PDCD6IP: variants seen among roughly 807,000 people sequenced by gnomAD.
PDCD6IP encodes the protein programmed cell death 6-interacting protein.
PDCD6IP carries 43 observed loss-of-function variants against 103.7 expected under a neutral mutation model. That is an observed-to-expected ratio of 0.41 (90% CI 0.32 to 0.53). PDCD6IP has a LOEUF of 0.53. PDCD6IP is among the 20% of genes least tolerant of loss of function. The probability of loss-of-function intolerance (pLI) is 0.16; values close to 1 mark genes in which losing one functional copy is unlikely to be tolerated. For synonymous variants in PDCD6IP, 354 were observed against 378.7 expected (o/e 0.93, Z 0.76); for missense variants, 871 against 1,036.7 (o/e 0.84, Z 2.20).
chr3:33,864,915 G>C (rs1698030451), intron 16 of PDCD6IP, among the ~76,000 whole-genome samples: 2 of 152,094 alleles, frequency 1.3e-5, no homozygotes, highest in Non-Finnish European at 2.9e-5. Flanking sequence ...CATTTTTCAT[G>C]TAAAGTTTGG....
intron 1 of PDCD6IP, among the ~76,000 whole-genome samples, chr3:33,811,849 G>A (rs906002724): frequency 5.3e-5 from 8 of 152,138 alleles, no homozygotes; most frequent in African/African-American, 1.7e-4. Flanking sequence ...AATAACAGTT[G>A]ATAAATATTT....
chr3:33,814,363 G>A (rs1489977915), intron 3 of PDCD6IP, among the ~76,000 whole-genome samples: 1 of 151,708 alleles, frequency 6.6e-6, no homozygotes, highest in Non-Finnish European at 1.5e-5. Flanking sequence ...TCAAACTCCC[G>A]ACCTCAGGTG....
At position 33,827,222 on chromosome 3, in the gene PDCD6IP, C is replaced by G. The variant is rs1036454844; in HGVS notation, c.717+642C>G. 4 of 972,204 alleles carry G rather than the reference C, an allele frequency of 4.1e-6. No homozygotes were observed. In the Admixed American group the frequency reaches 2.5e-4, roughly 60 times the overall value. The allele number at this position is 972,204 out of a possible 1,614,324, so 60.2% of individuals were successfully genotyped here. On this transcript the variant is annotated intron_variant, in intron 6 of 17. Transcript: ENST00000307296. ...CATTTGTTAATGACAAAGCAAATCACTAGTAAATTTGGAATGATTAATAAA... is the reference window on the plus strand; with the variant it reads ...CATTTGTTAATGACAAAGCAAATCAGTAGTAAATTTGGAATGATTAATAAA...
rs138586886 is a variant in PDCD6IP, at chr3:33,836,084, A to G, written c.875A>G (p.Asp292Gly). 4 of 1,612,074 alleles carry G rather than the reference A, an allele frequency of 2.5e-6. No individual in the cohort carries two copies. In the African/African-American group the frequency reaches 5.4e-5, roughly 22 times the overall value. Residue 292 changes from aspartate to glycine, a missense_variant, in exon 8 of 18, where the codon GAT becomes GGT. Asp to Gly is a moderately conservative substitution (Grantham distance 94). This residue lies in a region of PDCD6IP where 242 missense variants were observed against 250.7 expected (regional missense o/e 0.97). Coordinates refer to ENST00000307296, the MANE Select transcript of PDCD6IP (RefSeq NM_013374.6). Reference sequence around the variant, plus strand: ...ATTAAAACAGTGGCATCTCGCTATGATGAATATGTTAATGTGAAGGATTTT... The same window carrying G: ...ATTAAAACAGTGGCATCTCGCTATGGTGAATATGTTAATGTGAAGGATTTT... The part of the protein sequence containing the change: ...ELIKTVASRY[D>G]EYVNVKDFSD...
At chr3:33,845,247 C>G (rs1697567014) in intron 11 of PDCD6IP, among the ~76,000 whole-genome samples, 172 bp from the exon 12 acceptor site, 1 of 152,040 alleles carries the variant, frequency 6.6e-6, no homozygotes, top group Non-Finnish European at 1.5e-5. Context: ...TGTCATCTTT[C>G]TAAAAACGAG....
At chr3:33,828,786 G>T in intron 6 of PDCD6IP, 67 bp from the exon 7 acceptor site, 1 of 1,573,364 alleles carries the variant, frequency 6.4e-7, no homozygotes, top group Admixed American at 1.8e-5. Flanking sequence ...TTTTCTTCCT[G>T]CATCCCATGT....
At chr3:33,831,729 T>A (rs1249226171) in intron 7 of PDCD6IP, among the ~76,000 whole-genome samples, 2 of 151,562 alleles carry the variant, frequency 1.3e-5, no homozygotes, top group African/African-American at 4.8e-5. Context: ...GTTTTTTTTC[T>A]TTCTTTGAAA....
In PDCD6IP at chr3:33,821,591, G is replaced by A. The variant is rs190095690; in HGVS notation, c.335-364G>A. Among the ~76,000 whole-genome samples the A allele has an allele frequency of 1.3e-4, 20 of 152,286 alleles. No individual in the cohort carries two copies. In the South Asian group the frequency reaches 3.7e-3, roughly 28 times the overall value. ...ATTGGTTTGATTGTGGTGGGACAAT[G>A]TGATTTTGAGAGGTGACAGAAAAAT... is the stretch of plus-strand genomic sequence containing the variant. On this transcript the variant is annotated intron_variant, in intron 3 of 17. Transcript: ENST00000307296.
At chr3:33,824,167 A>T (rs1423687555) in intron 4 of PDCD6IP, among the ~76,000 whole-genome samples, 1 of 152,062 alleles carries the variant, frequency 6.6e-6, no homozygotes, top group Non-Finnish European at 1.5e-5. Context: ...GTGTTATAAT[A>T]CTTACTGACT....
chr3:33,836,773 C>T (rs1005165034), intron 8 of PDCD6IP, among the ~76,000 whole-genome samples: 10 of 151,318 alleles, frequency 6.6e-5, no homozygotes, highest in East Asian at 1.9e-4. Flanking sequence ...GTGGGAGGCT[C>T]GCTTGAGCCC....
intron 8 of PDCD6IP, among the ~76,000 whole-genome samples, chr3:33,836,490 CTG>C (rs1697351141): frequency 6.6e-6 from 1 of 152,122 alleles, no homozygotes; most frequent in South Asian, 2.1e-4. Context: ...AGACTTGAAA[CTG>C]TGTGTTTGAT....
At chr3:33,812,304 C>CA (rs2125546606) in intron 2 of PDCD6IP, among the ~76,000 whole-genome samples, 178 bp downstream of exon 2, 1 of 152,304 alleles carries the variant, frequency 6.6e-6, no homozygotes, top group African/African-American at 2.4e-5. Context: ...CTGTTCATGT[C>CA]ATTCTTCAGT....
chr3:33,826,889 T>A, intron 6 of PDCD6IP: 1 of 1,113,258 alleles, frequency 9.0e-7, no homozygotes. Flanking sequence ...TAGTTCTGAA[T>A]CATTGGTGAT....
intron 2 of PDCD6IP, among the ~76,000 whole-genome samples, chr3:33,812,354 T>A (rs1038221348): frequency 3.9e-5 from 6 of 152,228 alleles, no homozygotes; most frequent in Non-Finnish European, 8.8e-5. Flanking sequence ...TTGTTTTTCT[T>A]TGGACTTCAT....
intron 5 of PDCD6IP, 116 bp downstream of exon 5, chr3:33,825,456 C>A (rs995382878): frequency 3.1e-5 from 27 of 885,052 alleles, no homozygotes; most frequent in Non-Finnish European, 4.1e-5. Context: ...GAACTTGATA[C>A]ATGAATTATG....
At chr3:33,852,381 T>C (rs2125445025) in intron 12 of PDCD6IP, 107 bp from the exon 13 acceptor site, 1 of 1,424,830 alleles carries the variant, frequency 7.0e-7, no homozygotes, top group South Asian at 1.6e-5. Context: ...CTCTGAGAAA[T>C]CATCTCTCTC....
chr3:33,819,991 ATAACT>A (rs1288020998), intron 3 of PDCD6IP, among the ~76,000 whole-genome samples: 2 of 152,208 alleles, frequency 1.3e-5, no homozygotes, highest in African/African-American at 4.8e-5. Context: ...CCAGTAAATG[ATAACT>A]TCACAGACTG....
rs1697543123 is a variant in PDCD6IP at position 33,844,278 on chromosome 3, G to A, written c.1471+55G>A. 6 of 967,326 alleles carry A rather than the reference G, an allele frequency of 6.2e-6. No individual in the cohort carries two copies. The South Asian group carries it at 7.9e-5, about 13-fold the overall frequency. 59.9% of individuals were successfully genotyped at this position (967,326 alleles called of 1,614,324 possible). ...GAATAAATTCCCAATTTCGACCCAC[G>A]TTTTTGCTTGATTAAATTAGGCTCA... On this transcript the variant is annotated intron_variant, in intron 11 of 17. Coordinates refer to ENST00000307296, the MANE Select transcript of PDCD6IP (RefSeq NM_013374.6).
intron 7 of PDCD6IP, among the ~76,000 whole-genome samples, chr3:33,831,143 C>T (rs1697235697): frequency 6.6e-6 from 1 of 151,934 alleles, no homozygotes; most frequent in Non-Finnish European, 1.5e-5. Flanking sequence ...TTGAACAGTG[C>T]AGTTTATGTG....
Sources: allele counts gnomAD v4.1 joint callset (sites outside exome capture counted in the v4.1 genomes callset), GRCh38; gene constraint gnomAD v4.1.1; regional missense constraint gnomAD v4.1.1; transcripts MANE v1.5; gene names NCBI Gene and HGNC (gene_info 2026-07-23, HGNC 2026-07-21).